The following CHN2 variants were observed in gnomAD, a reference collection of about 807,000 sequenced individuals.
The protein encoded by CHN2 is chimerin 2.
Under a neutral mutation model 56.3 loss-of-function variants are expected in CHN2, and 35 were observed. The observed-to-expected ratio is 0.62, with a 90% CI of 0.47 to 0.82. The LOEUF (loss-of-function observed/expected upper bound fraction) is 0.82, where lower values mean the gene tolerates loss of function less well. Ranked by LOEUF, CHN2 falls within the 40% of genes least tolerant of loss-of-function variation. CHN2 has a pLI of 0.00. For synonymous variants in CHN2, 210 were observed against 212.8 expected, an observed-to-expected ratio of 0.99 and a Z score of 0.12; for missense variants, 491 against 580.5, an observed-to-expected ratio of 0.85 and a Z score of 1.58.
intron 1 of CHN2, among the ~76,000 whole-genome samples, chr7:29,251,710 G>A (rs1478175805): frequency 6.6e-6 from 1 of 152,178 alleles, no homozygotes; most frequent in Non-Finnish European, 1.5e-5. Context: ...TCAACATAGT[G>A]TTCTGAGATT....
intron 1 of CHN2, among the ~76,000 whole-genome samples, chr7:29,218,405 G>A (rs1488389879): frequency 1.3e-5 from 2 of 152,010 alleles, no homozygotes; most frequent in African/African-American, 2.4e-5. Context: ...CGATTCCTCA[G>A]GGATCTAGAA....
intron 1 of CHN2, among the ~76,000 whole-genome samples, chr7:29,219,516 A>C (rs1785606489): frequency 6.6e-6 from 1 of 152,184 alleles, no homozygotes; most frequent in Non-Finnish European, 1.5e-5. Flanking sequence ...ATCAAATATA[A>C]GTGGTTTCAA....
At chr7:29,210,568 A>G (rs1419589306) in intron 1 of CHN2, among the ~76,000 whole-genome samples, 2 of 152,054 alleles carry the variant, frequency 1.3e-5, no homozygotes, top group Non-Finnish European at 2.9e-5. Flanking sequence ...ACAGACAGAC[A>G]ATAAACCAAA....
chr7:29,312,387 C>T (rs1298228172), intron 1 of CHN2, among the ~76,000 whole-genome samples: 1 of 152,158 alleles, frequency 6.6e-6, no homozygotes, highest in Non-Finnish European at 1.5e-5. Context: ...CAAAACTCAT[C>T]AAGCACAATG....
chr7:29,385,999 G>C (rs1585225426), intron 3 of CHN2, among the ~76,000 whole-genome samples: 1 of 152,168 alleles, frequency 6.6e-6, no homozygotes, highest in East Asian at 1.9e-4. Flanking sequence ...ATTTATTACA[G>C]AAAGACTGAC....
chr7:29,451,987 G>A (rs849926), intron 6 of CHN2, among the ~76,000 whole-genome samples: 51,554 of 152,134 alleles, frequency 0.34, 9,633 homozygotes, highest in African/African-American at 0.5. Flanking sequence ...CACACCACCC[G>A]TGGAGGACAG....
chr7:29,498,617 C>T (rs1404251341), intron 8 of CHN2, among the ~76,000 whole-genome samples: 2 of 152,256 alleles, frequency 1.3e-5, no homozygotes, highest in African/African-American at 4.8e-5. Context: ...TATTCCTTAT[C>T]ATGTGTGCAC....
intron 7 of CHN2, among the ~76,000 whole-genome samples, chr7:29,482,797 C>CTTTTCTTTT (rs1787429870): frequency 6.2e-5 from 4 of 64,204 alleles, no homozygotes; most frequent in Non-Finnish European, 5.8e-5. Context: ...GCACTTTTTT[C>CTTTTCTTTT]TTTTTTTTTT....
At chr7:29,320,199 G>A (rs540440511) in intron 1 of CHN2, among the ~76,000 whole-genome samples, 13 of 152,292 alleles carry the variant, frequency 8.5e-5, no homozygotes, top group East Asian at 3.9e-4. Flanking sequence ...ACCACATGTC[G>A]TCTGCCAGAC....
intron 6 of CHN2, among the ~76,000 whole-genome samples, chr7:29,416,624 C>T (rs1333821940): frequency 1.3e-5 from 2 of 152,084 alleles, no homozygotes; most frequent in Admixed American, 6.5e-5. Flanking sequence ...AGGAGACAGC[C>T]GATGTTGCTG....
intron 1 of CHN2, among the ~76,000 whole-genome samples, chr7:29,305,803 C>T (rs1794097088): frequency 1.3e-5 from 1 of 76,878 alleles, no homozygotes; most frequent in African/African-American, 4.2e-5. Context: ...TCCTCCCGTT[C>T]CTTCCTCCTC....
intron 6 of CHN2, among the ~76,000 whole-genome samples, chr7:29,468,140 G>GCCCCC (rs67134171): frequency 1.9e-4 from 11 of 57,578 alleles, no homozygotes; most frequent in East Asian, 5.8e-4. Context: ...AAACGGACCC[G>GCCCCC]CCCCCCCCCC....
At chr7:29,243,432 T>C (rs544766369) in intron 1 of CHN2, among the ~76,000 whole-genome samples, 7 of 152,272 alleles carry the variant, frequency 4.6e-5, no homozygotes, top group Non-Finnish European at 1.0e-4. Flanking sequence ...TGCATGCACT[T>C]TTTTTTCCAA....
At chr7:29,271,153 C>T (rs1351232696) in intron 1 of CHN2, among the ~76,000 whole-genome samples, 2 of 152,080 alleles carry the variant, frequency 1.3e-5, no homozygotes, top group African/African-American at 4.8e-5. Flanking sequence ...GGAGTTGTGT[C>T]ACCAACTCCC....
chr7:29,510,930 A>C (rs780415498), intron 12 of CHN2, among the ~76,000 whole-genome samples: 2 of 115,632 alleles, frequency 1.7e-5, no homozygotes, highest in South Asian at 7.3e-4. Context: ...CTCTGGTGAC[A>C]CTATTCTCCC....
At chr7:29,314,307 C>T (rs929501579) in intron 1 of CHN2, among the ~76,000 whole-genome samples, 1 of 152,128 alleles carries the variant, frequency 6.6e-6, no homozygotes, top group Non-Finnish European at 1.5e-5. Flanking sequence ...CAATATGATT[C>T]CACTTATATG....
intron 6 of CHN2, among the ~76,000 whole-genome samples, chr7:29,432,986 T>A (rs1358875540): frequency 1.3e-5 from 2 of 152,186 alleles, no homozygotes; most frequent in Admixed American, 6.5e-5. Context: ...AAAAAGACAT[T>A]CCAGAAAATG....
chr7:29,177,630 A>G (rs1479099236), intron 2 of CHN2, among the ~76,000 whole-genome samples: 1 of 144,368 alleles, frequency 6.9e-6, no homozygotes, highest in Admixed American at 7.0e-5. Context: ...TCCTTCTTCC[A>G]TCTGTTTATC....
intron 1 of CHN2, among the ~76,000 whole-genome samples, chr7:29,267,237 CT>C (rs11436051): frequency 1.7e-3 from 243 of 144,432 alleles, no homozygotes; most frequent in Non-Finnish European, 1.8e-3. Flanking sequence ...GTGCATATTT[CT>C]TTTTTTTTTT....
Sources: gnomAD v4.1 joint callset for allele counts (sites outside exome capture counted in the v4.1 genomes callset) on GRCh38, gnomAD v4.1.1 for gene constraint, MANE v1.5 for transcripts, NCBI Gene and HGNC (gene_info 2026-07-23, HGNC 2026-07-21) for gene names.